Variants in CAAP1 observed in about 807,000 individuals in gnomAD.
CAAP1 encodes the protein conserved anti-apoptotic protein.
Under a neutral mutation model 34.0 loss-of-function variants are expected in CAAP1, and 20 were observed. That is an observed-to-expected ratio of 0.59 (90% CI 0.41 to 0.86). The LOEUF is 0.86. CAAP1 is among the 40% of genes least tolerant of loss of function. The pLI is 0.00. For synonymous variants in CAAP1, 213 were observed against 166.7 expected (o/e 1.28, Z -2.14); for missense variants, 538 against 450.5 (o/e 1.19, Z -1.76).
At chr9:26,887,661 GAGAATAT>G in intron 1 of CAAP1, 148 bp from the exon 2 acceptor site, 1 of 576,196 alleles carries the variant, frequency 1.7e-6, no homozygotes, top group South Asian at 2.5e-5. Flanking sequence ...AACCATAGGA[GAGAATAT>G]CTGTTTAATA....
intron 4 of CAAP1, among the ~76,000 whole-genome samples, chr9:26,872,502 A>G (rs538262415): frequency 6.6e-6 from 1 of 151,400 alleles, no homozygotes; most frequent in South Asian, 2.1e-4. Flanking sequence ...TCAGATTTAT[A>G]AAACAGGCAA....
rs1401125154 is a variant in CAAP1, at chr9:26,887,480, C to G, written c.337G>C (p.Glu113Gln). Residue 113 changes from glutamate to glutamine, a missense_variant, in exon 2 of 6, where the codon GAA becomes CAA. This residue lies in a region of CAAP1 where 514 missense variants were observed against 408.4 expected (regional missense o/e 1.26). Coordinates refer to ENST00000333916, the MANE Select transcript of CAAP1 (RefSeq NM_024828.4). ...TKYILPTLEK[E>Q]LFLAEHSDLE... ...TCACTGTGCTCTGCCAAGAATAATT[C>G]TTTTTCCAAAGTTGGCAAAATATAT... is the stretch of plus-strand genomic sequence containing the variant. The G allele has an allele frequency of 1.1e-5, 18 of 1,605,050 alleles. No homozygotes were observed. Among genetic ancestry groups the G allele is most frequent in the Non-Finnish European group, 1.5e-5 (18 of 1,177,806 alleles).
intron 4 of CAAP1, among the ~76,000 whole-genome samples, chr9:26,862,469 G>A (rs1455738433): frequency 6.6e-6 from 1 of 151,724 alleles, no homozygotes; most frequent in Non-Finnish European, 1.5e-5. Flanking sequence ...GAGGAGGATG[G>A]ATATATGTAA....
In CAAP1 at chr9:26,861,247, C is replaced by T. The variant is rs918759739; in HGVS notation, c.666-108G>A. 16 of 719,980 alleles carry T rather than the reference C, an allele frequency of 2.2e-5. No individual in the cohort carries two copies. In the African/African-American group the frequency reaches 2.7e-4, roughly 12 times the overall value. The allele number at this position is 719,980 out of a possible 1,614,324, so 44.6% of individuals were successfully genotyped here. On this transcript the variant is annotated intron_variant, in intron 4 of 5. Coordinates refer to ENST00000333916, the MANE Select transcript of CAAP1 (RefSeq NM_024828.4). Reference sequence around the variant, plus strand: ...GGCACTAGGGAAGACAGGCTACATTCTTCTAAGCTCCCAGGGTATCATTCA... The same window carrying T: ...GGCACTAGGGAAGACAGGCTACATTTTTCTAAGCTCCCAGGGTATCATTCA...
At chr9:26,865,981 G>C (rs1823126447) in intron 4 of CAAP1, among the ~76,000 whole-genome samples, 1 of 151,986 alleles carries the variant, frequency 6.6e-6, no homozygotes, top group South Asian at 2.1e-4. Context: ...CGAGTAGCTG[G>C]GATTACAGAC....
chr9:26,868,278 G>T (rs1031327999), intron 4 of CAAP1, among the ~76,000 whole-genome samples: 8 of 152,106 alleles, frequency 5.3e-5, no homozygotes, highest in African/African-American at 1.9e-4. Context: ...TTATTCTGAT[G>T]AGCCCAATGT....
chr9:26,861,593 T>C (rs1395778128), intron 4 of CAAP1, among the ~76,000 whole-genome samples: 1 of 152,206 alleles, frequency 6.6e-6, no homozygotes, highest in East Asian at 1.9e-4. Flanking sequence ...ATTTTATATG[T>C]AATATACATA....
rs754159052 is a variant in CAAP1 at position 26,871,303 on chromosome 9, C to A, written c.666-10164G>T. On this transcript the variant is annotated intron_variant, in intron 4 of 5. Coordinates refer to ENST00000333916, the MANE Select transcript of CAAP1 (RefSeq NM_024828.4). ...CTTATTAAAAATAAAAGAGACCAGG[C>A]GCAGTGGCTCATGCCTGTAATCCTA... Among the ~76,000 whole-genome samples the A allele has an allele frequency of 3.3e-5, 5 of 152,100 alleles. No individual in the cohort carries two copies. The East Asian group carries it at 5.8e-4, about 18-fold the overall frequency.
intron 1 of CAAP1, 61 bp from the exon 2 acceptor site, chr9:26,887,574 C>G (rs747863812): frequency 6.2e-5 from 58 of 942,622 alleles, no homozygotes; most frequent in Non-Finnish European, 8.2e-5. Context: ...AGAATACGTA[C>G]ATGACATCAT....
chr9:26,864,091 C>G (rs1823070439), intron 4 of CAAP1, among the ~76,000 whole-genome samples: 1 of 152,070 alleles, frequency 6.6e-6, no homozygotes, highest in Admixed American at 6.6e-5. Flanking sequence ...ACTCACTTCT[C>G]CTATCTCCAA....
chr9:26,882,531 A>G (rs1039243142), intron 4 of CAAP1, among the ~76,000 whole-genome samples: 3 of 152,212 alleles, frequency 2.0e-5, no homozygotes, highest in African/African-American at 7.2e-5. Flanking sequence ...ATGTCCAGGC[A>G]GAAGTTAGCT....
chr9:26,867,164 T>A (rs1002272271), intron 4 of CAAP1, among the ~76,000 whole-genome samples: 1 of 152,170 alleles, frequency 6.6e-6, no homozygotes, highest in Admixed American at 6.5e-5. Flanking sequence ...ACATATTCCC[T>A]GATGGAAAAA....
chr9:26,860,063 A>G (rs1176148659), intron 5 of CAAP1, among the ~76,000 whole-genome samples: 1 of 152,210 alleles, frequency 6.6e-6, no homozygotes, highest in Non-Finnish European at 1.5e-5. Flanking sequence ...AAGAGAAACT[A>G]TTCTAAGCCA....
At chr9:26,857,667 C>G (rs975168301) in intron 5 of CAAP1, among the ~76,000 whole-genome samples, 2 of 152,112 alleles carry the variant, frequency 1.3e-5, no homozygotes, top group Admixed American at 1.3e-4. Context: ...GAATTTCTAA[C>G]AGAAGAGTTT....
intron 4 of CAAP1, among the ~76,000 whole-genome samples, chr9:26,883,991 T>C (rs1312456514): frequency 1.3e-5 from 2 of 152,210 alleles, no homozygotes; most frequent in African/African-American, 4.8e-5. Flanking sequence ...TCTGGTTAAC[T>C]ATGTACTTCT....
rs192778799 is a variant in CAAP1 at position 26,860,706 on chromosome 9, G to A, written c.739+360C>T. Among the ~76,000 whole-genome samples the A allele has an allele frequency of 2.1e-4, 32 of 150,844 alleles. No individual in the cohort carries two copies. In the East Asian group the frequency reaches 6.2e-3, roughly 29 times the overall value. ...ACTTGGGAGGCTGAGGCAGGAGAAT[G>A]GCGTGAACCGGGAGGCTGAGCTTGC... On this transcript the variant is annotated intron_variant, in intron 5 of 5. Transcript: ENST00000333916.
chr9:26,850,736 T>C (rs901293116), intron 5 of CAAP1, among the ~76,000 whole-genome samples: 3 of 152,242 alleles, frequency 2.0e-5, no homozygotes, highest in Admixed American at 6.5e-5. Flanking sequence ...GTGAAACCTA[T>C]GAAGGCATTC....
At chr9:26,860,399 G>A (rs1430967418) in intron 5 of CAAP1, among the ~76,000 whole-genome samples, 1 of 152,084 alleles carries the variant, frequency 6.6e-6, no homozygotes, top group African/African-American at 2.4e-5. Flanking sequence ...ACCTCAGGGG[G>A]AAAAAAGTTA....
At chr9:26,883,639 TAATC>T (rs2131338224) in intron 4 of CAAP1, among the ~76,000 whole-genome samples, 1 of 152,196 alleles carries the variant, frequency 6.6e-6, no homozygotes, top group Admixed American at 6.5e-5. Context: ...ATAACAAATA[TAATC>T]AAGCAAAAGC....
Sources: gnomAD v4.1 joint callset for allele counts (sites outside exome capture counted in the v4.1 genomes callset) on GRCh38, gnomAD v4.1.1 for gene constraint, gnomAD v4.1.1 regional missense constraint, MANE v1.5 for transcripts, NCBI Gene and HGNC (gene_info 2026-07-23, HGNC 2026-07-21) for gene names.